TGFA: variants seen among roughly 807,000 people sequenced by gnomAD.
The protein encoded by TGFA is protransforming growth factor alpha.
TGFA carries 12 observed loss-of-function variants against 21.7 expected under a neutral mutation model. That is an observed-to-expected ratio of 0.55 (90% CI 0.35 to 0.90). The LOEUF (loss-of-function observed/expected upper bound fraction) is 0.90. Among genes scored for constraint, TGFA ranks in the 40% least tolerant of loss-of-function variants. The pLI, the probability that TGFA is intolerant of heterozygous loss-of-function variation, is 0.01. For missense variants in TGFA, 178 were observed against 210.8 expected, an observed-to-expected ratio of 0.84 and a Z score of 0.96; for synonymous variants, 79 against 88.1, an observed-to-expected ratio of 0.90 and a Z score of 0.58.
At chr2:70,522,366 G>A (rs1188671490) in intron 1 of TGFA, among the ~76,000 whole-genome samples, 3 of 152,182 alleles carry the variant, frequency 2.0e-5, no homozygotes, top group Non-Finnish European at 4.4e-5. Flanking sequence ...ACAGCTCTAG[G>A]TCTTGGTTCT....
intron 1 of TGFA, among the ~76,000 whole-genome samples, chr2:70,549,253 G>C (rs1553506430): frequency 6.6e-6 from 1 of 152,204 alleles, no homozygotes; most frequent in African/African-American, 2.4e-5. Flanking sequence ...TGGTCGGCAT[G>C]ACAGGCCTTA....
chr2:70,464,171 A>G (rs1020104329), intron 3 of TGFA, among the ~76,000 whole-genome samples: 11 of 152,226 alleles, frequency 7.2e-5, no homozygotes, highest in African/African-American at 2.2e-4. Flanking sequence ...GGGCTGATGC[A>G]TCTGATGGCC....
At chr2:70,474,849 G>A (rs1670872827) in intron 2 of TGFA, among the ~76,000 whole-genome samples, 1 of 152,122 alleles carries the variant, frequency 6.6e-6, no homozygotes, top group African/African-American at 2.4e-5. Context: ...CTCCCTTTGG[G>A]AAAAACCCAA....
chr2:70,551,556 G>T (rs1489077158), intron 1 of TGFA, among the ~76,000 whole-genome samples: 2 of 152,206 alleles, frequency 1.3e-5, no homozygotes, highest in African/African-American at 4.8e-5. Flanking sequence ...AGAAAAATCA[G>T]AGGGGAAAGC....
At chr2:70,540,492 G>T (rs951889161) in intron 1 of TGFA, among the ~76,000 whole-genome samples, 1 of 152,062 alleles carries the variant, frequency 6.6e-6, no homozygotes, top group Admixed American at 6.6e-5. Context: ...TGACAAAAAG[G>T]CAAGTTAGAT....
intron 1 of TGFA, among the ~76,000 whole-genome samples, chr2:70,519,772 T>C (rs782038791): frequency 1.3e-5 from 2 of 152,096 alleles, no homozygotes; most frequent in Non-Finnish European, 2.9e-5. Context: ...TATCTGACAA[T>C]AGCAAAAAAC....
At chr2:70,488,867 G>C (rs1574096785) in intron 2 of TGFA, among the ~76,000 whole-genome samples, 1 of 152,264 alleles carries the variant, frequency 6.6e-6, no homozygotes, top group East Asian at 1.9e-4. Context: ...TTCCATGGAA[G>C]TCCTGCATAC....
At chr2:70,543,975 T>C (rs1391994629) in intron 1 of TGFA, among the ~76,000 whole-genome samples, 3 of 152,160 alleles carry the variant, frequency 2.0e-5, no homozygotes, top group Non-Finnish European at 4.4e-5. Context: ...AATTTAAAGG[T>C]GGCTTTAACA....
In TGFA at chr2:70,550,121, C is replaced by T. The variant is rs116823419; in HGVS notation, c.40+3607G>A. 5.2e-3 allele frequency among the ~76,000 whole-genome samples: 799 copies of T among 152,322 alleles called. 8 individuals carry two copies. The highest frequency in any genetic ancestry group is 0.018 in the African/African-American group (763 of 41,574). Reference sequence around the variant, plus strand: ...GGAAGGTGATCTATTTCGCCTCTGCCCATCCTTAATGCTACTTCATTTCCT... The same window carrying T: ...GGAAGGTGATCTATTTCGCCTCTGCTCATCCTTAATGCTACTTCATTTCCT... On this transcript the variant is annotated intron_variant, in intron 1 of 5. Coordinates refer to ENST00000295400, the MANE Select transcript of TGFA (RefSeq NM_003236.4).
At chr2:70,477,088 G>A (rs1302161817) in intron 2 of TGFA, among the ~76,000 whole-genome samples, 2 of 152,150 alleles carry the variant, frequency 1.3e-5, no homozygotes, top group Non-Finnish European at 2.9e-5. Flanking sequence ...CACAGTTAAA[G>A]CTTAACCAAT....
chr2:70,452,803 G>T (rs782556725), intron 5 of TGFA, among the ~76,000 whole-genome samples: 4 of 152,036 alleles, frequency 2.6e-5, no homozygotes, highest in African/African-American at 9.7e-5. Flanking sequence ...TTTTCTGGGC[G>T]TGGTGGTGGG....
At chr2:70,484,164 G>T (rs7566037) in intron 2 of TGFA, among the ~76,000 whole-genome samples, 9,374 of 152,176 alleles carry the variant, frequency 0.062, 362 homozygotes, top group Middle Eastern at 0.12. Context: ...TATCCTTTCT[G>T]ATCAAGACTG....
At chr2:70,459,434 A>G (rs1559099123) in intron 3 of TGFA, among the ~76,000 whole-genome samples, 2 of 152,208 alleles carry the variant, frequency 1.3e-5, no homozygotes, top group South Asian at 4.1e-4. Context: ...GGAACTAACA[A>G]TCTCACCCAG....
chr2:70,486,662 A>C (rs1307758736), intron 2 of TGFA, among the ~76,000 whole-genome samples: 2 of 151,782 alleles, frequency 1.3e-5, no homozygotes, highest in African/African-American at 4.8e-5. Flanking sequence ...GAGGATTTGC[A>C]TGTTGCCTAG....
intron 1 of TGFA, chr2:70,553,295 G>C: frequency 1.3e-6 from 2 of 1,531,654 alleles, no homozygotes; most frequent in Non-Finnish European, 1.7e-6. Flanking sequence ...AGGGGCGCAG[G>C]CAAGACCCGG....
At chr2:70,553,139 G>T in intron 1 of TGFA, 1 of 1,531,082 alleles carries the variant, frequency 6.5e-7, no homozygotes, top group Non-Finnish European at 8.7e-7. Flanking sequence ...TCCCAGGGAA[G>T]TTAATTAAAG....
intron 3 of TGFA, among the ~76,000 whole-genome samples, chr2:70,464,183 T>C (rs1345063351): frequency 6.6e-6 from 1 of 152,364 alleles, no homozygotes; most frequent in East Asian, 1.9e-4. Context: ...CTGATGGCCT[T>C]AAGCATCATG....
At chr2:70,469,397 C>T (rs1670666379) in intron 2 of TGFA, among the ~76,000 whole-genome samples, 2 of 152,070 alleles carry the variant, frequency 1.3e-5, no homozygotes, top group Non-Finnish European at 2.9e-5. Context: ...TGCAGTGGCA[C>T]GTTCATGGCT....
At chr2:70,524,183 A>C (rs1322457449) in intron 1 of TGFA, among the ~76,000 whole-genome samples, 1 of 152,198 alleles carries the variant, frequency 6.6e-6, no homozygotes, top group Non-Finnish European at 1.5e-5. Context: ...GGTCCGAGAG[A>C]ACCCTCTCTC....
Sources: allele counts gnomAD v4.1 joint callset (sites outside exome capture counted in the v4.1 genomes callset), GRCh38; gene constraint gnomAD v4.1.1; transcripts MANE v1.5; gene names NCBI Gene and HGNC (gene_info 2026-07-23, HGNC 2026-07-21).